The following TAFA1 variants were observed in gnomAD, a reference collection of about 807,000 sequenced individuals.
The protein encoded by TAFA1 is chemokine-like protein TAFA-1.
TAFA1 carries 4 observed loss-of-function variants against 18.5 expected under a neutral mutation model. That is an observed-to-expected ratio of 0.22 (90% CI 0.11 to 0.49). The LOEUF is 0.49. Ranked by LOEUF, TAFA1 falls within the 20% of genes least tolerant of loss-of-function variation. The pLI is 0.98. For synonymous variants in TAFA1, 56 were observed against 55.2 expected (o/e 1.01, Z -0.06); for missense variants, 147 against 169.0 (o/e 0.87, Z 0.72).
chr3:68,479,683 C>T (rs539346079), intron 3 of TAFA1, among the ~76,000 whole-genome samples: 7 of 152,252 alleles, frequency 4.6e-5, no homozygotes, highest in Admixed American at 3.3e-4. Context: ...TATGTGAATT[C>T]TGAAGGTATT....
intron 2 of TAFA1, among the ~76,000 whole-genome samples, chr3:68,079,482 G>C (rs1319843537): frequency 2.0e-5 from 3 of 151,960 alleles, no homozygotes; most frequent in Non-Finnish European, 4.4e-5. Context: ...ACACTGCTTT[G>C]AATGCGTCCC....
intron 2 of TAFA1, among the ~76,000 whole-genome samples, chr3:68,207,434 A>G (rs2066541278): frequency 6.6e-6 from 1 of 151,926 alleles, no homozygotes. Flanking sequence ...TAACCACTGG[A>G]TTGACTATTT....
At chr3:68,207,416 G>T (rs576241943) in intron 2 of TAFA1, among the ~76,000 whole-genome samples, 1 of 151,932 alleles carries the variant, frequency 6.6e-6, no homozygotes, top group Non-Finnish European at 1.5e-5. Flanking sequence ...GTGCAGTAGA[G>T]TATTGTCTAA....
chr3:68,298,998 G>C (rs1224798533), intron 2 of TAFA1, among the ~76,000 whole-genome samples: 4 of 152,208 alleles, frequency 2.6e-5, no homozygotes. Context: ...GGGCTCAAAA[G>C]ACAGGAAGAT....
intron 2 of TAFA1, among the ~76,000 whole-genome samples, chr3:68,289,051 TG>T (rs2068066131): frequency 6.6e-6 from 1 of 152,188 alleles, no homozygotes; most frequent in South Asian, 2.1e-4. Flanking sequence ...ATATCATAAA[TG>T]TACAGCTCAA....
Position 68,145,407 on chromosome 3 carries a change from C to G in TAFA1, c.118+138663C>G, listed in dbSNP as rs1271959959. 5 of 848,948 alleles carry G rather than the reference C, an allele frequency of 5.9e-6. No homozygotes were observed. The East Asian group carries it at 9.7e-5, about 16-fold the overall frequency. The allele number at this position is 848,948 out of a possible 1,614,324, so 52.6% of individuals were successfully genotyped here. A position where few individuals can be genotyped will look rare whatever the true frequency, so the allele number is the denominator to read the frequency against. On this transcript the variant is annotated intron_variant, in intron 2 of 4. Transcript: ENST00000478136. ...TCAATCATCACTGATGATTTTGCAG[C>G]CTTTGTTGGACTTCCTATAGAAGAG...
At chr3:68,416,182 A>G (rs940774183) in intron 2 of TAFA1, among the ~76,000 whole-genome samples, 2 of 152,166 alleles carry the variant, frequency 1.3e-5, no homozygotes, top group Non-Finnish European at 2.9e-5. Context: ...TCTGCATTAC[A>G]CAGTTCTCAG....
chr3:68,111,960 T>C (rs982800177), intron 2 of TAFA1, among the ~76,000 whole-genome samples: 1 of 152,318 alleles, frequency 6.6e-6, no homozygotes, highest in Non-Finnish European at 1.5e-5. Flanking sequence ...TAGGAAAAGA[T>C]ACTCCATAAA....
chr3:68,039,928 T>C (rs1705129450), intron 2 of TAFA1, among the ~76,000 whole-genome samples: 1 of 152,064 alleles, frequency 6.6e-6, no homozygotes, highest in African/African-American at 2.4e-5. Context: ...CTGGGGATGC[T>C]CCCAGGGCTA....
At chr3:68,005,023 G>T (rs1168572889) in intron 1 of TAFA1, among the ~76,000 whole-genome samples, 2 of 152,084 alleles carry the variant, frequency 1.3e-5, no homozygotes, top group Non-Finnish European at 2.9e-5. Flanking sequence ...AGTTTTGGTT[G>T]TGGCAGGATT....
chr3:68,331,861 T>TTC (rs2068880094), intron 2 of TAFA1, among the ~76,000 whole-genome samples: 1 of 128,078 alleles, frequency 7.8e-6, no homozygotes, highest in African/African-American at 2.9e-5. Context: ...CTTTTCTTTT[T>TTC]TTTTTTTTTT....
intron 3 of TAFA1, among the ~76,000 whole-genome samples, chr3:68,423,463 A>C (rs557452371): frequency 6.6e-6 from 1 of 152,148 alleles, no homozygotes; most frequent in Non-Finnish European, 1.5e-5. Context: ...ACATGAACAC[A>C]AGTTATATTC....
chr3:68,085,714 A>G (rs890414185), intron 2 of TAFA1, among the ~76,000 whole-genome samples: 64 of 152,194 alleles, frequency 4.2e-4, no homozygotes, highest in African/African-American at 1.5e-3. Context: ...AGTTCCTGTC[A>G]CATATTTAGA....
chr3:68,261,299 A>G (rs1313489083), intron 2 of TAFA1, among the ~76,000 whole-genome samples: 1 of 152,176 alleles, frequency 6.6e-6, no homozygotes, highest in Non-Finnish European at 1.5e-5. Flanking sequence ...AATTAGGAAC[A>G]CTTTGACACT....
chr3:68,514,366 A>G (rs1435160518), intron 3 of TAFA1, among the ~76,000 whole-genome samples: 1 of 152,210 alleles, frequency 6.6e-6, no homozygotes, highest in East Asian at 1.9e-4. Flanking sequence ...TGCCTTTGAC[A>G]TGAATTACAA....
intron 2 of TAFA1, among the ~76,000 whole-genome samples, chr3:68,277,281 C>T (rs969622917): frequency 6.6e-6 from 1 of 152,076 alleles, no homozygotes; most frequent in Non-Finnish European, 1.5e-5. Context: ...TTAACTTAAA[C>T]GTTAAGGATA....
intron 3 of TAFA1, among the ~76,000 whole-genome samples, chr3:68,456,325 C>G (rs2071665957): frequency 6.6e-6 from 1 of 152,154 alleles, no homozygotes; most frequent in African/African-American, 2.4e-5. Context: ...CTGGTGCTTG[C>G]TTCTGTTCCT....
intron 2 of TAFA1, among the ~76,000 whole-genome samples, chr3:68,140,523 T>C (rs577989875): frequency 6.6e-6 from 1 of 152,336 alleles, no homozygotes; most frequent in East Asian, 1.9e-4. Context: ...CTTCTCCCAC[T>C]GCAAACATTT....
intron 2 of TAFA1, among the ~76,000 whole-genome samples, chr3:68,076,942 T>C (rs2064832686): frequency 6.6e-6 from 1 of 152,168 alleles, no homozygotes; most frequent in South Asian, 2.1e-4. Flanking sequence ...AAAGTGTTCC[T>C]ATTTCTCCAC....
Sources: allele counts gnomAD v4.1 joint callset (sites outside exome capture counted in the v4.1 genomes callset), GRCh38; gene constraint gnomAD v4.1.1; transcripts MANE v1.5; gene names NCBI Gene and HGNC (gene_info 2026-07-23, HGNC 2026-07-21).